SPTA1: variants seen among roughly 807,000 people sequenced by gnomAD.
SPTA1 encodes spectrin alpha, erythrocytic 1.
In SPTA1, 177 loss-of-function variants were observed where a neutral mutation model predicts 324.7. The observed-to-expected ratio is 0.55, with a 90% CI of 0.48 to 0.62. The LOEUF is 0.62. SPTA1 is among the 20% of genes least tolerant of loss of function. The pLI is 0.00. For missense variants in SPTA1, 3,162 were observed against 2,883.6 expected (o/e 1.10, Z -2.21); for synonymous variants, 1,195 against 1,041.3 (o/e 1.15, Z -2.84).
chr1:158,686,063 C>T (rs73020301), intron 1 of SPTA1, among the ~76,000 whole-genome samples: 5,337 of 152,262 alleles, frequency 0.035, 311 homozygotes, highest in African/African-American at 0.12. Flanking sequence ...TAGGGTTCAC[C>T]TTCATTCTTC....
intron 47 of SPTA1, among the ~76,000 whole-genome samples, chr1:158,617,093 T>G (rs1649603957): frequency 6.6e-6 from 1 of 152,336 alleles, no homozygotes; most frequent in South Asian, 2.1e-4. Flanking sequence ...CTTCGCTCAG[T>G]TGTCAAGAGA....
intron 19 of SPTA1, 148 bp from the exon 20 acceptor site, chr1:158,656,804 G>T: frequency 1.5e-6 from 1 of 685,244 alleles, no homozygotes; most frequent in Non-Finnish European, 2.5e-6. Flanking sequence ...CCCTAAATTT[G>T]CAAGCATGAA....
chr1:158,649,935 G>T lies in SPTA1; in HGVS notation c.3490C>A (p.Arg1164Ser), dbSNP rs1037395586. 1 of 1,613,162 alleles carries T rather than the reference G, an allele frequency of 6.2e-7. No homozygotes were observed. Among genetic ancestry groups the T allele is most frequent in the Non-Finnish European group, 8.5e-7 (1 of 1,179,504 alleles). The stretch of plus-strand genomic sequence containing the variant: ...GCAAGCCTCTGCAAAGAACCCCAGC[G>T]GGAATTCAATTCCTAAAAGAGGCAA... ...GAQIRQELNS[R>S]WGSLQRLADE... is the part of the protein sequence containing the mutation. The change falls in exon 25 of 52, where the codon CGC (arginine) becomes AGC (serine). Residue 1164 changes from arginine to serine, a missense_variant. Coordinates refer to ENST00000643759, the MANE Select transcript of SPTA1 (RefSeq NM_003126.4).
At chr1:158,635,469 G>A (rs554759558) in intron 38 of SPTA1, among the ~76,000 whole-genome samples, 2 of 152,090 alleles carry the variant, frequency 1.3e-5, no homozygotes, top group African/African-American at 2.4e-5. Flanking sequence ...ACCCAGTCTC[G>A]GGTAGTTCTT....
chr1:158,616,171 C>T (rs747253965), intron 47 of SPTA1, among the ~76,000 whole-genome samples: 1 of 151,968 alleles, frequency 6.6e-6, no homozygotes, highest in Non-Finnish European at 1.5e-5. Context: ...CAATTTAATA[C>T]ATTCATATAA....
chr1:158,678,543 G>A lies in SPTA1; in HGVS notation c.679-9C>T. 6.2e-7 allele frequency: 1 copy of A among 1,612,942 alleles called. No homozygotes were observed. The highest frequency in any genetic ancestry group is 8.5e-7 in the Non-Finnish European group (1 of 1,179,456). ...AGGTCAGGATGGTTTTCCTGTTGAA[G>A]GAAAACAACACTGGAGTTATACAGA... On this transcript the variant is annotated splice_polypyrimidine_tract_variant and intron_variant, in intron 5 of 51. Coordinates refer to ENST00000643759, the MANE Select transcript of SPTA1 (RefSeq NM_003126.4).
chr1:158,636,658 G>A lies in SPTA1; in HGVS notation c.5293C>T (p.His1765Tyr). Reference sequence around the variant, plus strand: ...ATTCCTACCTGGATGGCAGGCTCATGGGCCACCAGCTCCCCCTCTAGGCGT... The same window carrying A: ...ATTCCTACCTGGATGGCAGGCTCATAGGCCACCAGCTCCCCCTCTAGGCGT... ...HKRLEGELVA[H>Y]EPAIQNVLDM... The change falls in exon 37 of 52, where the codon CAT (histidine) becomes TAT (tyrosine). Residue 1765 changes from histidine (H) to tyrosine (Y), a missense_variant. By Grantham distance (83) the His-to-Tyr change is moderately conservative (BLOSUM62 2). Coordinates refer to ENST00000643759, the MANE Select transcript of SPTA1 (RefSeq NM_003126.4). 6.2e-7 allele frequency: 1 copy of A among 1,614,028 alleles called. No individual in the cohort carries two copies.
chr1:158,629,636 C>A (rs547501883), intron 39 of SPTA1, among the ~76,000 whole-genome samples: 124 of 152,080 alleles, frequency 8.2e-4, no homozygotes, highest in Non-Finnish European at 1.6e-3. Context: ...CAAAGATAAT[C>A]GCTCTCACTA....
chr1:158,621,052 C>A (rs1354398464), intron 43 of SPTA1, among the ~76,000 whole-genome samples: 1 of 152,094 alleles, frequency 6.6e-6, no homozygotes, highest in Non-Finnish European at 1.5e-5. Context: ...GCTTTTCAAA[C>A]CACTGCTTAA....
chr1:158,620,151 C>T lies in SPTA1; in HGVS notation c.6417+19G>A, dbSNP rs1250557074. On this transcript the variant is annotated intron_variant, in intron 44 of 51. Transcript: ENST00000643759. ...TGTTCACTGTAGTGAAAGGAAGTTT[C>T]TGCCGTGTTCCAGGTTACCTCAATG... 2 of 1,613,900 alleles carry T rather than the reference C, an allele frequency of 1.2e-6. No individual in the cohort carries two copies. The highest frequency in any genetic ancestry group is 3.3e-5 in the Admixed American group (2 of 60,006).
At chr1:158,684,092 G>GAA (rs1345072187) in intron 2 of SPTA1, among the ~76,000 whole-genome samples, 1 of 8,672 alleles carries the variant, frequency 1.2e-4, no homozygotes, top group African/African-American at 1.4e-4. Context: ...GCAATTTAGG[G>GAA]AAGAAAAAAA....
chr1:158,650,591 C>T (rs1309895405), intron 24 of SPTA1, among the ~76,000 whole-genome samples: 4 of 152,212 alleles, frequency 2.6e-5, no homozygotes, highest in Non-Finnish European at 5.9e-5. Flanking sequence ...TGATCAGAAT[C>T]TGTGTCTTCC....
chr1:158,665,339 T>C (rs868483856), intron 16 of SPTA1, among the ~76,000 whole-genome samples: 4 of 152,236 alleles, frequency 2.6e-5, no homozygotes, highest in South Asian at 4.1e-4. Flanking sequence ...TCTAAAGGTA[T>C]ACAAATGACT....
In SPTA1 at chr1:158,615,262, G is replaced by A; in HGVS notation, c.6742C>T (p.Leu2248Phe). The change falls in exon 48 of 52, where the codon CTT becomes TTT. Residue 2248 changes from leucine (L) to phenylalanine (F), a missense_variant. Physicochemically the swap from Leu to Phe is conservative, Grantham distance 22 (BLOSUM62 0). Transcript: ENST00000643759. ...LAQQWDQLYQ[L>F]GLRMQHNLEQ... ...AGGTTGTGTTGCATCCGCAACCCAA[G>A]CTGGTAGAGCTGGTCCCACTGCTGA... 6.2e-7 allele frequency: 1 copy of A among 1,613,846 alleles called. No homozygotes were observed. Among genetic ancestry groups the A allele is most frequent in the Non-Finnish European group, 8.5e-7 (1 of 1,180,008 alleles).
rs1253285420 is a variant in SPTA1, at chr1:158,617,635, A to G, written c.6549-47T>C. 3.3e-6 allele frequency: 5 copies of G among 1,520,948 alleles called. No homozygotes were observed. In the Admixed American group the frequency reaches 8.4e-5, roughly 25 times the overall value. 94.2% of individuals were successfully genotyped at this position (1,520,948 alleles called of 1,614,324 possible). On this transcript the variant is annotated intron_variant, in intron 46 of 51. Transcript: ENST00000643759. ...TCATTATGCATCACATCACAGGTCAATATTTCATACATGCATACCAACTCG... is the reference window on the plus strand; with the variant it reads ...TCATTATGCATCACATCACAGGTCAGTATTTCATACATGCATACCAACTCG...
intron 14 of SPTA1, 97 bp downstream of exon 14, chr1:158,669,311 C>G: frequency 6.6e-7 from 1 of 1,523,482 alleles, no homozygotes; most frequent in Non-Finnish European, 9.1e-7. Flanking sequence ...AAATGAGGAT[C>G]ACCAGCTGAA....
Position 158,642,442 on chromosome 1 carries a change from C to A in SPTA1, c.4706G>T (p.Ser1569Ile), listed in dbSNP as rs1651671833. The stretch of plus-strand genomic sequence containing the variant: ...GGCCTCTTCATTGCCATCACAAGCG[C>A]TACACTCAATCAGGGAGTTCCCCAG... ...INLGNSLIEC[S>I]ACDGNEEAMK... The change falls in exon 33 of 52, where the codon AGC becomes ATC. Residue 1569 changes from serine to isoleucine, a missense_variant. Ser to Ile is a moderately radical substitution (Grantham distance 142, BLOSUM62 -2). Transcript: ENST00000643759. 1.2e-6 allele frequency: 2 copies of A among 1,613,528 alleles called. No individual in the cohort carries two copies. Among genetic ancestry groups the A allele is most frequent in the African/African-American group, 2.7e-5 (2 of 74,862 alleles).
chr1:158,676,170 G>C lies in SPTA1; in HGVS notation c.1083C>G (p.Ser361Arg). ...SWEHIRALAT[S>R]RYEKLQATYW... Reference sequence around the variant, plus strand: ...AAGTAGCCTGCAGTTTTTCATATCTGCTGGTGGCCAGGGCACGAATATGCT... The same window carrying C: ...AAGTAGCCTGCAGTTTTTCATATCTCCTGGTGGCCAGGGCACGAATATGCT... The change falls in exon 8 of 52, where the codon AGC (serine) becomes AGG (arginine). Residue 361 changes from serine to arginine, a missense_variant. Physicochemically the swap from Ser to Arg is moderately radical, Grantham distance 110 (BLOSUM62 -1). Transcript: ENST00000643759. The C allele has an allele frequency of 6.2e-7, 1 of 1,613,674 alleles. No homozygotes were observed. Among genetic ancestry groups the C allele is most frequent in the Non-Finnish European group, 8.5e-7 (1 of 1,179,742 alleles).
rs1266466948 is a variant in SPTA1 at position 158,644,377 on chromosome 1, TCA to T, written c.4212_4213del (p.Cys1404Ter). 1 of 1,613,806 alleles carries T rather than the reference TCA, an allele frequency of 6.2e-7. No homozygotes were observed. On this transcript the variant is annotated stop_gained and frameshift_variant, in exon 30 of 52. Transcript: ENST00000643759. LOFTEE classifies it high-confidence loss of function. ...TGCCACCATCCAGCTCTCAACTTGA[TCA>T]CAGTTCCCCTGGAACATCTATGAGG...
Sources: allele counts gnomAD v4.1 joint callset (sites outside exome capture counted in the v4.1 genomes callset), GRCh38; gene constraint gnomAD v4.1.1; transcripts MANE v1.5; gene names NCBI Gene and HGNC (gene_info 2026-07-23, HGNC 2026-07-21).